NLGN1: variants seen among roughly 807,000 people sequenced by gnomAD.
NLGN1 encodes neuroligin 1.
A neutral mutation model predicts 65.5 loss-of-function variants in NLGN1; 12 were observed. The ratio of observed to expected loss-of-function variants is 0.18; its 90% CI spans 0.12 to 0.30. The LOEUF (loss-of-function observed/expected upper bound fraction) is 0.30. Ranked by LOEUF, NLGN1 falls within the 10% of genes least tolerant of loss-of-function variation. The pLI is 1.00. For synonymous variants in NLGN1, 350 were observed against 359.5 expected (o/e 0.97, Z 0.30); for missense variants, 750 against 1,007.1 (o/e 0.74, Z 3.46).
intron 4 of NLGN1, among the ~76,000 whole-genome samples, chr3:174,153,827 T>C (rs1285544920): frequency 6.6e-6 from 1 of 152,100 alleles, no homozygotes; most frequent in Non-Finnish European, 1.5e-5. Flanking sequence ...ACCTTGTCTC[T>C]ACAAAAATTT....
At chr3:173,498,754 T>C (rs1192448982) in intron 2 of NLGN1, among the ~76,000 whole-genome samples, 1 of 151,776 alleles carries the variant, frequency 6.6e-6, no homozygotes, top group Non-Finnish European at 1.5e-5. Context: ...TTCTAACTGG[T>C]GTGAGATGGT....
intron 4 of NLGN1, among the ~76,000 whole-genome samples, chr3:173,989,653 A>G (rs780338199): frequency 1.3e-5 from 2 of 152,182 alleles, no homozygotes; most frequent in African/African-American, 2.4e-5. Context: ...CAGTGGCTTA[A>G]ACTAAAAGGA....
chr3:173,669,001 C>A lies in NLGN1; in HGVS notation c.493+63910C>A, dbSNP rs185141207. 3.9e-5 allele frequency among the ~76,000 whole-genome samples: 6 copies of A among 152,230 alleles called. No individual in the cohort carries two copies. In the East Asian group the frequency reaches 7.7e-4, roughly 20 times the overall value. On this transcript the variant is annotated intron_variant, in intron 3 of 6. Transcript: ENST00000457714. ...GTGAAGATGTAATAGATATGGCAAA[C>A]CCCCATGCATAGTCCATAGTGGATT...
intron 4 of NLGN1, among the ~76,000 whole-genome samples, chr3:174,157,291 C>T (rs1418326328): frequency 6.6e-6 from 1 of 151,628 alleles, no homozygotes; most frequent in African/African-American, 2.4e-5. Context: ...TAACTGGTAA[C>T]CTTAGAACAC....
intron 4 of NLGN1, among the ~76,000 whole-genome samples, chr3:174,233,220 C>T (rs552685073): frequency 2.5e-4 from 38 of 152,186 alleles, no homozygotes; most frequent in Non-Finnish European, 4.9e-4. Flanking sequence ...CAGTGACTCA[C>T]GCCAGTATCC....
At chr3:174,199,801 A>G (rs533797427) in intron 4 of NLGN1, among the ~76,000 whole-genome samples, 32 of 152,334 alleles carry the variant, frequency 2.1e-4, no homozygotes, top group African/African-American at 7.2e-4. Context: ...AAGATTTTCA[A>G]ACATCTCATC....
chr3:174,177,192 A>G (rs1162692833), intron 4 of NLGN1, among the ~76,000 whole-genome samples: 1 of 152,084 alleles, frequency 6.6e-6, no homozygotes, highest in Non-Finnish European at 1.5e-5. Flanking sequence ...ACATTTTCTT[A>G]TTAAAATATT....
At chr3:173,753,650 T>A (rs1578265520) in intron 3 of NLGN1, among the ~76,000 whole-genome samples, 2 of 152,224 alleles carry the variant, frequency 1.3e-5, no homozygotes, top group Non-Finnish European at 2.9e-5. Context: ...AGTGATTATA[T>A]TCAAACATTA....
intron 2 of NLGN1, among the ~76,000 whole-genome samples, chr3:173,543,785 A>G (rs2149240143): frequency 6.6e-6 from 1 of 152,292 alleles, no homozygotes; most frequent in South Asian, 2.1e-4. Flanking sequence ...ATAAAATGGC[A>G]TAGAAACAGA....
At position 174,279,119 on chromosome 3, in the gene NLGN1, TG is replaced by T; in HGVS notation, c.1120del (p.Glu374SerfsTer10). 1 of 1,613,374 alleles carries T rather than the reference TG, an allele frequency of 6.2e-7. No individual in the cohort carries two copies. Among genetic ancestry groups the T allele is most frequent in the Admixed American group, 1.7e-5 (1 of 59,938 alleles). ...ATACCAGACGACCCCCAGATATTGATGGAGCAAGGAGAGTTTCTCAACTATG... is the reference window on the plus strand; with the variant it reads ...ATACCAGACGACCCCCAGATATTGATGAGCAAGGAGAGTTTCTCAACTATG... On this transcript the variant is annotated frameshift_variant, in exon 6 of 7. Transcript: ENST00000457714. LOFTEE classifies it high-confidence loss of function. The surrounding 1 kb of genome is among the most constrained non-coding windows in gnomAD (Gnocchi z 4.7).
At chr3:173,561,816 G>A (rs1174349235) in intron 2 of NLGN1, among the ~76,000 whole-genome samples, 4 of 152,146 alleles carry the variant, frequency 2.6e-5, no homozygotes, top group Admixed American at 2.6e-4. Context: ...CATTATCCCT[G>A]TCTGTAATGA....
At chr3:173,884,077 A>G (rs1733877198) in intron 4 of NLGN1, among the ~76,000 whole-genome samples, 1 of 151,784 alleles carries the variant, frequency 6.6e-6, no homozygotes. Context: ...CGAAAGAATC[A>G]TTAGCAACTA....
At chr3:174,074,793 C>G (rs1225551448) in intron 4 of NLGN1, among the ~76,000 whole-genome samples, 2 of 152,190 alleles carry the variant, frequency 1.3e-5, no homozygotes, top group Non-Finnish European at 2.9e-5. Flanking sequence ...TTCAATTACT[C>G]TCTTCAGCCT....
At chr3:173,600,752 G>C (rs1456326028) in intron 2 of NLGN1, among the ~76,000 whole-genome samples, 4 of 151,482 alleles carry the variant, frequency 2.6e-5, no homozygotes, top group Non-Finnish European at 5.9e-5. Context: ...CCTTTACAAT[G>C]TCATAAGCTA....
At chr3:174,097,550 T>C (rs1299880285) in intron 4 of NLGN1, among the ~76,000 whole-genome samples, 2 of 152,162 alleles carry the variant, frequency 1.3e-5, no homozygotes, top group Non-Finnish European at 2.9e-5. Flanking sequence ...AAACAGATAA[T>C]TCTGCCAGTC....
intron 4 of NLGN1, among the ~76,000 whole-genome samples, chr3:173,995,800 C>A (rs1289012187): frequency 6.6e-6 from 1 of 151,656 alleles, no homozygotes; most frequent in Non-Finnish European, 1.5e-5. Context: ...GATCCTCTTG[C>A]CTCAGTTTCC....
At chr3:173,882,916 G>C (rs1425628125) in intron 4 of NLGN1, among the ~76,000 whole-genome samples, 3 of 150,662 alleles carry the variant, frequency 2.0e-5, no homozygotes, top group Non-Finnish European at 4.4e-5. Flanking sequence ...TGATTAAAGT[G>C]AGACATGTGT....
At chr3:173,422,398 T>A (rs1715264903) in intron 1 of NLGN1, among the ~76,000 whole-genome samples, 1 of 152,196 alleles carries the variant, frequency 6.6e-6, no homozygotes, top group Non-Finnish European at 1.5e-5. Flanking sequence ...CTAGCAATCC[T>A]GACTCCATAC....
chr3:173,858,593 G>A lies in NLGN1; in HGVS notation c.646+50761G>A, dbSNP rs11717662. ...AAAATGGGTCATGATTTCTATCCTT[G>A]CTTATCCCATTGTAAACACACAACT... is the stretch of plus-strand genomic sequence containing the variant. On this transcript the variant is annotated intron_variant, in intron 4 of 6. Transcript: ENST00000457714. 2.6e-3 allele frequency among the ~76,000 whole-genome samples: 391 copies of A among 151,996 alleles called. 1 individual carries two copies. Among genetic ancestry groups the A allele is most frequent in the Non-Finnish European group, 4.7e-3 (322 of 67,930 alleles).
Sources: gnomAD v4.1 joint callset for allele counts (sites outside exome capture counted in the v4.1 genomes callset) on GRCh38, gnomAD v4.1.1 for gene constraint, Gnocchi (gnomAD v3.1) non-coding constraint, MANE v1.5 for transcripts, NCBI Gene and HGNC (gene_info 2026-07-23, HGNC 2026-07-21) for gene names.